Variants in ANKS1B observed in about 807,000 individuals in gnomAD.
The protein encoded by ANKS1B is ankyrin repeat and sterile alpha motif domain containing 1B.
Under a neutral mutation model 148.3 loss-of-function variants are expected in ANKS1B, and 36 were observed. The ratio of observed to expected loss-of-function variants is 0.24; its 90% CI spans 0.19 to 0.32. ANKS1B has a LOEUF of 0.32. Among genes scored for constraint, ANKS1B ranks in the 10% least tolerant of loss-of-function variants. ANKS1B has a pLI of 1.00. For synonymous variants in ANKS1B, 542 were observed against 560.8 expected (o/e 0.97, Z 0.47); for missense variants, 1,157 against 1,542.6 (o/e 0.75, Z 4.19).
intron 19 of ANKS1B, among the ~76,000 whole-genome samples, chr12:98,812,763 G>C (rs894575456): frequency 6.6e-6 from 1 of 152,014 alleles, no homozygotes; most frequent in African/African-American, 2.4e-5. Context: ...TAGTAGATAT[G>C]GGGTTTCACC....
At chr12:99,817,506 CTT>C (rs59187527) in intron 2 of ANKS1B, among the ~76,000 whole-genome samples, 18 of 148,610 alleles carry the variant, frequency 1.2e-4, no homozygotes, top group African/African-American at 3.9e-4. Context: ...CCCTGATTTC[CTT>C]TTTTTTTTTG....
At chr12:99,932,141 G>A (rs540043233) in intron 1 of ANKS1B, among the ~76,000 whole-genome samples, 3 of 152,192 alleles carry the variant, frequency 2.0e-5, no homozygotes, top group South Asian at 4.1e-4. Context: ...TTGTGTATAC[G>A]TGACACATTT....
chr12:99,648,545 T>C (rs777655516), intron 9 of ANKS1B: 6 of 1,614,206 alleles, frequency 3.7e-6, no homozygotes, highest in Non-Finnish European at 5.1e-6. Context: ...CTTCCCTTGA[T>C]GTTTGTGAAA....
At chr12:99,517,563 CAAA>C (rs67889061) in intron 9 of ANKS1B, among the ~76,000 whole-genome samples, 46 of 124,304 alleles carry the variant, frequency 3.7e-4, no homozygotes, top group African/African-American at 1.2e-3. Context: ...AGTAAAAATA[CAAA>C]AAAAAAAAAA....
At chr12:99,900,767 C>T (rs910064829) in intron 1 of ANKS1B, among the ~76,000 whole-genome samples, 1 of 152,078 alleles carries the variant, frequency 6.6e-6, no homozygotes, top group Non-Finnish European at 1.5e-5. Context: ...TCTTCTGACT[C>T]GTGAGTCCTA....
chr12:98,942,464 G>A lies in ANKS1B; in HGVS notation c.2779-110328C>T, dbSNP rs564850620. On this transcript the variant is annotated intron_variant, in intron 17 of 26. Transcript: ENST00000683438. ...CCACTTGACAAAGGCAGTGCAAAGG[G>A]GATGGCTTTCTCCGGAAATCCCTCG... Among the ~76,000 whole-genome samples, 19 of 152,128 alleles carry A rather than the reference G, an allele frequency of 1.2e-4. No individual in the cohort carries two copies. In the South Asian group the frequency reaches 3.7e-3, roughly 30 times the overall value.
At chr12:99,647,328 C>G (rs910646786) in intron 9 of ANKS1B, among the ~76,000 whole-genome samples, 1 of 152,134 alleles carries the variant, frequency 6.6e-6, no homozygotes, top group Admixed American at 6.5e-5. Flanking sequence ...TAAGCAATCC[C>G]CTATTGTAAG....
intron 24 of ANKS1B, among the ~76,000 whole-genome samples, chr12:98,777,977 T>A (rs566620934): frequency 9.2e-5 from 14 of 152,226 alleles, no homozygotes; most frequent in African/African-American, 3.4e-4. Context: ...AGCATTAGGT[T>A]AGGGAGGTTG....
intron 14 of ANKS1B, among the ~76,000 whole-genome samples, chr12:99,208,331 T>A (rs777728660): frequency 6.6e-6 from 1 of 152,164 alleles, no homozygotes; most frequent in Non-Finnish European, 1.5e-5. Flanking sequence ...TGATCTGTGA[T>A]CCTATTTTGA....
intron 22 of ANKS1B, among the ~76,000 whole-genome samples, chr12:98,783,204 G>C (rs770317788): frequency 3.9e-5 from 6 of 152,240 alleles, no homozygotes; most frequent in African/African-American, 7.2e-5. Context: ...CAATCGAGTT[G>C]TTACTTTAGG....
chr12:99,291,369 C>A (rs2079947672), intron 12 of ANKS1B, among the ~76,000 whole-genome samples: 1 of 152,078 alleles, frequency 6.6e-6, no homozygotes, highest in African/African-American at 2.4e-5. Flanking sequence ...CAATGACATT[C>A]TTTGCAGAAA....
At chr12:98,796,640 C>A (rs960004475) in intron 22 of ANKS1B, among the ~76,000 whole-genome samples, 37 of 152,156 alleles carry the variant, frequency 2.4e-4, no homozygotes, top group African/African-American at 8.9e-4. Flanking sequence ...TTATCAAGAA[C>A]TGAGACTTAC....
chr12:98,800,217 GAA>G lies in ANKS1B; in HGVS notation c.3270+778_3270+779del, dbSNP rs770133422. Among the ~76,000 whole-genome samples, 142 of 39,178 alleles carry G rather than the reference GAA, an allele frequency of 3.6e-3. 1 individual carries two copies. The highest frequency in any genetic ancestry group is 0.017 in the Middle Eastern group (1 of 60). The allele number at this position is 39,178 out of a possible 152,430, so 25.7% of individuals were successfully genotyped here. ...AAAAGAGGGGCAGAAAGCAGAAAAT[GAA>G]AAAAAAAAAAAAAAAAAGCTCAACT... is the stretch of plus-strand genomic sequence containing the variant. On this transcript the variant is annotated intron_variant, in intron 21 of 26. Coordinates refer to ENST00000683438, the MANE Select transcript of ANKS1B (RefSeq NM_001352186.2).
intron 15 of ANKS1B, chr12:99,097,016 C>T (rs1280022850): frequency 6.6e-6 from 1 of 152,192 alleles, no homozygotes; most frequent in Non-Finnish European, 1.5e-5. Context: ...TACTGGACAG[C>T]AAACTTCTTG....
chr12:99,280,627 T>C (rs183675053), intron 12 of ANKS1B, among the ~76,000 whole-genome samples: 6 of 152,064 alleles, frequency 3.9e-5, no homozygotes, highest in East Asian at 3.9e-4. Flanking sequence ...CTCTCTAATA[T>C]GGGTAGGGCA....
At chr12:99,389,721 A>T (rs1459748011) in intron 12 of ANKS1B, among the ~76,000 whole-genome samples, 1 of 152,202 alleles carries the variant, frequency 6.6e-6, no homozygotes, top group African/African-American at 2.4e-5. Flanking sequence ...TCAGGTAACA[A>T]ATCTGTTATA....
chr12:99,642,545 G>A (rs991728750), intron 9 of ANKS1B, among the ~76,000 whole-genome samples: 3 of 152,198 alleles, frequency 2.0e-5, no homozygotes, highest in African/African-American at 7.2e-5. Flanking sequence ...AGGGGGCATG[G>A]TGGCTTATGT....
At chr12:99,531,625 T>C (rs2096992086) in intron 9 of ANKS1B, among the ~76,000 whole-genome samples, 1 of 152,202 alleles carries the variant, frequency 6.6e-6, no homozygotes, top group Non-Finnish European at 1.5e-5. Flanking sequence ...GGCACTGAGA[T>C]TGATTCCGTA....
intron 17 of ANKS1B, chr12:98,893,807 C>T (rs544946469): frequency 3.3e-5 from 5 of 152,332 alleles, no homozygotes; most frequent in African/African-American, 1.2e-4. Context: ...TCTGAAAACG[C>T]GAAACCTTCC....
Sources: allele counts gnomAD v4.1 joint callset (sites outside exome capture counted in the v4.1 genomes callset), GRCh38; gene constraint gnomAD v4.1.1; transcripts MANE v1.5; gene names NCBI Gene and HGNC (gene_info 2026-07-23, HGNC 2026-07-21).